Variants in LUZP2 observed in about 807,000 individuals in gnomAD.
LUZP2 encodes the protein leucine zipper protein 2.
Under a neutral mutation model 51.6 loss-of-function variants are expected in LUZP2, and 52 were observed. The observed-to-expected ratio is 1.01, with a 90% CI of 0.81 to 1.27. The LOEUF (loss-of-function observed/expected upper bound fraction) is 1.27, where lower values mean the gene tolerates loss of function less well. Ranked by LOEUF, LUZP2 falls within the 50% of genes most tolerant of loss-of-function variation. The pLI is 0.00. For missense variants in LUZP2, 436 were observed against 395.4 expected (o/e 1.10, Z -0.87); for synonymous variants, 154 against 137.3 (o/e 1.12, Z -0.85).
At chr11:24,866,113 TACACACACAC>T (rs60308723) in intron 5 of LUZP2, among the ~76,000 whole-genome samples, 1,997 of 146,794 alleles carry the variant, frequency 0.014, 53 homozygotes, top group East Asian at 0.12. Context: ...CTGCATTTCA[TACACACACAC>T]ACACACACAC....
chr11:24,761,943 G>A (rs915171105), intron 4 of LUZP2, among the ~76,000 whole-genome samples: 1 of 151,364 alleles, frequency 6.6e-6, no homozygotes, highest in African/African-American at 2.4e-5. Context: ...ACCTGGGGGG[G>A]TGGGGGTGAA....
At chr11:25,067,202 A>T (rs139378802) in intron 10 of LUZP2, among the ~76,000 whole-genome samples, 24 of 152,142 alleles carry the variant, frequency 1.6e-4, no homozygotes, top group African/African-American at 5.3e-4. Flanking sequence ...GTGTTTGTTC[A>T]TATCCTTTGG....
At chr11:24,988,560 A>C (rs768526124) in intron 9 of LUZP2, among the ~76,000 whole-genome samples, 4 of 152,060 alleles carry the variant, frequency 2.6e-5, no homozygotes, top group Non-Finnish European at 5.9e-5. Flanking sequence ...AAATACCGTG[A>C]CTATATGCAA....
At chr11:25,018,037 G>GTT (rs1410360304) in intron 9 of LUZP2, among the ~76,000 whole-genome samples, 8,230 of 130,888 alleles carry the variant, frequency 0.063, 455 homozygotes, top group African/African-American at 0.18. Flanking sequence ...TTTTGTTTCT[G>GTT]TTTTTTTTTT....
chr11:24,852,859 T>G (rs1851439192), intron 5 of LUZP2, among the ~76,000 whole-genome samples: 1 of 152,164 alleles, frequency 6.6e-6, no homozygotes, highest in Admixed American at 6.5e-5. Flanking sequence ...TCTTTATTGG[T>G]TTAAAGTCTG....
chr11:24,765,714 G>A (rs11028151), intron 5 of LUZP2, among the ~76,000 whole-genome samples: 6,679 of 148,596 alleles, frequency 0.045, 333 homozygotes, highest in African/African-American at 0.13. Context: ...TGCAAGCTGC[G>A]CCTCCCAGGT....
At chr11:24,805,555 C>T (rs1334419629) in intron 5 of LUZP2, among the ~76,000 whole-genome samples, 2 of 152,146 alleles carry the variant, frequency 1.3e-5, no homozygotes, top group East Asian at 3.9e-4. Context: ...CAGATTTGTT[C>T]AGCAGAAATC....
chr11:24,664,315 A>G (rs1172439584), intron 1 of LUZP2, among the ~76,000 whole-genome samples: 1 of 152,180 alleles, frequency 6.6e-6, no homozygotes, highest in Non-Finnish European at 1.5e-5. Flanking sequence ...GATTTAGGGT[A>G]TCATGTGTAA....
intron 1 of LUZP2, among the ~76,000 whole-genome samples, chr11:24,572,939 A>G (rs1852490134): frequency 6.6e-6 from 1 of 152,046 alleles, no homozygotes; most frequent in African/African-American, 2.4e-5. Context: ...ATCTTGAGAA[A>G]TTCAAGCTTA....
chr11:24,504,567 A>C (rs1850094324), intron 1 of LUZP2, among the ~76,000 whole-genome samples: 1 of 152,194 alleles, frequency 6.6e-6, no homozygotes, highest in Non-Finnish European at 1.5e-5. Flanking sequence ...AAATGTATTT[A>C]AGTGTGTCTC....
intron 1 of LUZP2, among the ~76,000 whole-genome samples, chr11:24,530,762 C>CTTTTTTT (rs367857815): frequency 5.0e-4 from 38 of 75,366 alleles, no homozygotes; most frequent in East Asian, 1.6e-3. Flanking sequence ...CTTCTTCTTA[C>CTTTTTTT]TTTTTTTTTT....
At chr11:24,687,087 T>C (rs1238895270) in intron 1 of LUZP2, among the ~76,000 whole-genome samples, 1 of 152,132 alleles carries the variant, frequency 6.6e-6, no homozygotes, top group Non-Finnish European at 1.5e-5. Context: ...GAGTTGTCCA[T>C]GCAGCTAAAT....
At chr11:24,879,996 C>T (rs987765695) in intron 5 of LUZP2, among the ~76,000 whole-genome samples, 1 of 152,174 alleles carries the variant, frequency 6.6e-6, no homozygotes, top group African/African-American at 2.4e-5. Flanking sequence ...CCATGTCCAC[C>T]GTCTCTGAGC....
intron 1 of LUZP2, among the ~76,000 whole-genome samples, chr11:24,694,734 T>C (rs953624527): frequency 6.6e-6 from 1 of 152,120 alleles, no homozygotes; most frequent in Non-Finnish European, 1.5e-5. Flanking sequence ...TGGAATACTA[T>C]GCAGCCATAA....
intron 9 of LUZP2, among the ~76,000 whole-genome samples, chr11:25,009,138 G>C (rs1283300213): frequency 6.6e-6 from 1 of 152,160 alleles, no homozygotes; most frequent in East Asian, 1.9e-4. Flanking sequence ...ACCATTTTAG[G>C]ACTGTGTACA....
chr11:24,896,666 A>T (rs571012187), intron 5 of LUZP2, among the ~76,000 whole-genome samples: 83 of 152,298 alleles, frequency 5.4e-4, no homozygotes, highest in Non-Finnish European at 1.0e-3. Flanking sequence ...GGACCGCCCA[A>T]GGGTTGAGGA....
intron 5 of LUZP2, among the ~76,000 whole-genome samples, chr11:24,780,210 A>T (rs1158488122): frequency 6.6e-6 from 1 of 152,136 alleles, no homozygotes; most frequent in Non-Finnish European, 1.5e-5. Context: ...GGTGGATTCC[A>T]TTTCCAGCTA....
At chr11:24,659,382 G>A (rs138467952) in intron 1 of LUZP2, among the ~76,000 whole-genome samples, 64 of 152,170 alleles carry the variant, frequency 4.2e-4, no homozygotes, top group Middle Eastern at 3.4e-3. Flanking sequence ...GAGAACACAT[G>A]GACACAGAAA....
At chr11:24,861,406 A>T (rs1175174687) in intron 5 of LUZP2, among the ~76,000 whole-genome samples, 1 of 152,200 alleles carries the variant, frequency 6.6e-6, no homozygotes, top group Non-Finnish European at 1.5e-5. Flanking sequence ...GAAATGTAAG[A>T]ATGCAAACAA....
Sources: gnomAD v4.1 joint callset for allele counts (sites outside exome capture counted in the v4.1 genomes callset) on GRCh38, gnomAD v4.1.1 for gene constraint, MANE v1.5 for transcripts, NCBI Gene and HGNC (gene_info 2026-07-23, HGNC 2026-07-21) for gene names.